MXD1: variants seen among roughly 807,000 people sequenced by gnomAD.
The protein encoded by MXD1 is MAX dimerization protein 1, also known as MAX-binding protein.
MXD1 carries 9 observed loss-of-function variants against 25.7 expected under a neutral mutation model. The ratio of observed to expected loss-of-function variants is 0.35; its 90% CI spans 0.21 to 0.61. The LOEUF (loss-of-function observed/expected upper bound fraction) is 0.61. Ranked by LOEUF, MXD1 falls within the 20% of genes least tolerant of loss-of-function variation. The probability of loss-of-function intolerance (pLI) is 0.75; values close to 1 mark genes in which losing one functional copy is unlikely to be tolerated. For synonymous variants in MXD1, 99 were observed against 113.9 expected, an observed-to-expected ratio of 0.87 and a Z score of 0.83; for missense variants, 227 against 292.4, an observed-to-expected ratio of 0.78 and a Z score of 1.63.
intron 3 of MXD1, among the ~76,000 whole-genome samples, chr2:69,933,200 CAAA>C (rs59201689): frequency 0.014 from 1,107 of 79,928 alleles, 2 homozygotes; most frequent in Middle Eastern, 0.029. Context: ...AACTCTGTCT[CAAA>C]AAAAAAAAAA....
chr2:69,937,498 A>C (rs1677481270), intron 5 of MXD1, 104 bp downstream of exon 5: 1 of 1,125,790 alleles, frequency 8.9e-7, no homozygotes, highest in Non-Finnish European at 1.2e-6. Context: ...GAACTAAGAC[A>C]CTGGGTATGA....
intron 4 of MXD1, among the ~76,000 whole-genome samples, chr2:69,936,086 A>G (rs1191724681): frequency 1.3e-5 from 2 of 151,622 alleles, no homozygotes; most frequent in African/African-American, 2.4e-5. Flanking sequence ...GCCTTTGTCA[A>G]TGCTCTTCCC....
At position 69,916,109 on chromosome 2, in the gene MXD1, C is replaced by T. The variant is rs1471975317; in HGVS notation, c.74-12C>T. 6.5e-7 allele frequency: 1 copy of T among 1,544,728 alleles called. No homozygotes were observed. Among genetic ancestry groups the T allele is most frequent in the Non-Finnish European group, 9.0e-7 (1 of 1,116,962 alleles). On this transcript the variant is annotated splice_polypyrimidine_tract_variant and intron_variant, in intron 1 of 5. Coordinates refer to ENST00000264444, the MANE Select transcript of MXD1 (RefSeq NM_002357.4). ...TGGGCCCATTCATTAACTGGATCCTCCTGTTTTCTAGAAGCTGAACATGGT... is the reference window on the plus strand; with the variant it reads ...TGGGCCCATTCATTAACTGGATCCTTCTGTTTTCTAGAAGCTGAACATGGT...
intron 3 of MXD1, among the ~76,000 whole-genome samples, chr2:69,927,715 T>A (rs1271717699): frequency 6.6e-6 from 1 of 152,242 alleles, no homozygotes; most frequent in Non-Finnish European, 1.5e-5. Flanking sequence ...GGTGTACTTA[T>A]GTATTTCATA....
At position 69,920,752 on chromosome 2, in the gene MXD1, G is replaced by A. The variant is rs555123230; in HGVS notation, c.174-984G>A. Among the ~76,000 whole-genome samples the A allele has an allele frequency of 3.9e-5, 6 of 152,308 alleles. No individual in the cohort carries two copies. In the South Asian group the frequency reaches 8.3e-4, roughly 21 times the overall value. ...TCATAGAAAGGTCAAGCAAGATTCA[G>A]CTCCTTTATAATACTGGTAGCTTCT... On this transcript the variant is annotated intron_variant, in intron 2 of 5. Transcript: ENST00000264444.
chr2:69,938,331 T>C lies in MXD1; in HGVS notation c.*47T>C. ...CTCCTTGAAGGTTCTCCCTGTTGGT[T>C]CTGATTAGGTAACGTATTGGACCTG... On this transcript the variant is annotated 3_prime_UTR_variant, in exon 6 of 6. Transcript: ENST00000264444. 3 of 1,594,534 alleles carry C rather than the reference T, an allele frequency of 1.9e-6. No homozygotes were observed. Among genetic ancestry groups the C allele is most frequent in the Non-Finnish European group, 2.6e-6 (3 of 1,166,548 alleles).
rs913397897 is a variant in MXD1, at chr2:69,915,848, G to A, written c.74-273G>A. 6.6e-6 allele frequency among the ~76,000 whole-genome samples: 1 copy of A among 152,250 alleles called. No individual in the cohort carries two copies. The highest frequency in any genetic ancestry group is 2.4e-5 in the African/African-American group (1 of 41,472). On this transcript the variant is annotated intron_variant, in intron 1 of 5. Transcript: ENST00000264444. The surrounding 1 kb of genome is among the most constrained non-coding windows in gnomAD (Gnocchi z 5.8). ...CTTAACCCGCACCAACCTGCTGGAT[G>A]TAGCCAGTGGGAAACCCAGGCTGCG... is the stretch of plus-strand genomic sequence containing the variant.
chr2:69,937,447 G>T, intron 5 of MXD1, 53 bp downstream of exon 5: 1 of 1,483,724 alleles, frequency 6.7e-7, no homozygotes, highest in Non-Finnish European at 8.9e-7. Flanking sequence ...CAACCCCAGA[G>T]CAGGGGTTCA....
chr2:69,936,675 A>G (rs1215175344), intron 4 of MXD1, among the ~76,000 whole-genome samples: 1 of 152,172 alleles, frequency 6.6e-6, no homozygotes, highest in Non-Finnish European at 1.5e-5. Context: ...TATTCTATGG[A>G]AATGTGTTTT....
Position 69,937,399 on chromosome 2 carries a change from G to A in MXD1, c.478+5G>A. On this transcript the variant is annotated splice_donor_5th_base_variant and intron_variant, in intron 5 of 5. Coordinates refer to ENST00000264444, the MANE Select transcript of MXD1 (RefSeq NM_002357.4). Reference sequence around the variant, plus strand: ...AGCGCTCCGACTCCGACAGGGGTGAGCCTCTCTCACTCTCCTCCCTGTCTC... The same window carrying A: ...AGCGCTCCGACTCCGACAGGGGTGAACCTCTCTCACTCTCCTCCCTGTCTC... 6 of 1,598,228 alleles carry A rather than the reference G, an allele frequency of 3.8e-6. No individual in the cohort carries two copies. The highest frequency in any genetic ancestry group is 1.1e-5 in the South Asian group (1 of 89,340).
At chr2:69,922,795 G>T (rs868182954) in intron 3 of MXD1, among the ~76,000 whole-genome samples, 1 of 150,768 alleles carries the variant, frequency 6.6e-6, no homozygotes, top group Non-Finnish European at 1.5e-5. Context: ...CAGGAGAATC[G>T]CTTGAACCCT....
chr2:69,916,651 G>A (rs1395687483), intron 2 of MXD1, among the ~76,000 whole-genome samples: 1 of 152,072 alleles, frequency 6.6e-6, no homozygotes, highest in Non-Finnish European at 1.5e-5. Flanking sequence ...TACCTGACTT[G>A]GCATAAGTGA....
In MXD1 at chr2:69,942,245, CT is replaced by C. The variant is rs1449307539; in HGVS notation, c.*3965del. ...CCTGGTAGAAGACAACCCAAAGACCCTTTTCGATGAGGTGGTTTCTCATTCT... is the reference window on the plus strand; with the variant it reads ...CCTGGTAGAAGACAACCCAAAGACCCTTTCGATGAGGTGGTTTCTCATTCT... On this transcript the variant is annotated 3_prime_UTR_variant, in exon 6 of 6. Coordinates refer to ENST00000264444, the MANE Select transcript of MXD1 (RefSeq NM_002357.4). 6.6e-6 allele frequency: 1 copy of C among 152,206 alleles called. No homozygotes were observed. Among genetic ancestry groups the C allele is most frequent in the Non-Finnish European group, 1.5e-5 (1 of 68,030 alleles). The allele number at this position is 152,206 out of a possible 1,614,324, so 9.4% of individuals were successfully genotyped here. A position where few individuals can be genotyped will look rare whatever the true frequency, so the allele number is the denominator to read the frequency against.
At position 69,938,972 on chromosome 2, in the gene MXD1, G is replaced by T. The variant is rs550376582; in HGVS notation, c.*688G>T. ...ATTGTTTGTTCTCACAAACAAAACG[G>T]TACAATCTATTTTTGTGCGATGTTC... On this transcript the variant is annotated 3_prime_UTR_variant, in exon 6 of 6. Transcript: ENST00000264444. 6.5e-6 allele frequency: 1 copy of T among 152,676 alleles called. No homozygotes were observed. The highest frequency in any genetic ancestry group is 1.9e-4 in the East Asian group (1 of 5,192). The allele number at this position is 152,676 out of a possible 1,614,324, so 9.5% of individuals were successfully genotyped here. A position where few individuals can be genotyped will look rare whatever the true frequency, so the allele number is the denominator to read the frequency against.
chr2:69,919,805 G>A (rs1677028605), intron 2 of MXD1, among the ~76,000 whole-genome samples: 2 of 152,160 alleles, frequency 1.3e-5, no homozygotes, highest in African/African-American at 2.4e-5. Context: ...TGTGACTGGA[G>A]AATGCTGAGG....
chr2:69,931,363 C>T (rs1376153454), intron 3 of MXD1, among the ~76,000 whole-genome samples: 8 of 152,060 alleles, frequency 5.3e-5, no homozygotes, highest in African/African-American at 1.9e-4. Context: ...AACCCTCCTA[C>T]TCTCTATGTC....
At chr2:69,938,020 T>A in intron 5 of MXD1, 77 bp from the exon 6 acceptor site, 1 of 1,424,640 alleles carries the variant, frequency 7.0e-7, no homozygotes, top group Non-Finnish European at 9.7e-7. Flanking sequence ...GTGCTGGGAT[T>A]ACAAGCATGA....
At chr2:69,927,258 A>C (rs1677188103) in intron 3 of MXD1, among the ~76,000 whole-genome samples, 1 of 152,192 alleles carries the variant, frequency 6.6e-6, no homozygotes, top group South Asian at 2.1e-4. Flanking sequence ...TGACTTTTGC[A>C]CTGGGCCTGA....
chr2:69,924,237 G>C (rs1457929999), intron 3 of MXD1, among the ~76,000 whole-genome samples: 1 of 152,226 alleles, frequency 6.6e-6, no homozygotes, highest in Non-Finnish European at 1.5e-5. Flanking sequence ...CAAGAAGCTA[G>C]AGGTAAAAAT....
Sources: gnomAD v4.1 joint callset for allele counts (sites outside exome capture counted in the v4.1 genomes callset) on GRCh38, gnomAD v4.1.1 for gene constraint, Gnocchi (gnomAD v3.1) non-coding constraint, MANE v1.5 for transcripts, NCBI Gene and HGNC (gene_info 2026-07-23, HGNC 2026-07-21) for gene names.